Variants in DIAPH2 observed in about 807,000 individuals in gnomAD.
DIAPH2 encodes the protein protein diaphanous homolog 2.
In DIAPH2, 35 loss-of-function variants were observed where a neutral mutation model predicts 92.7. The ratio of observed to expected loss-of-function variants is 0.38; its 90% CI spans 0.29 to 0.50. The LOEUF (loss-of-function observed/expected upper bound fraction) is 0.50. Among genes scored for constraint, DIAPH2 ranks in the 20% least tolerant of loss-of-function variants. The pLI is 0.94. For synonymous variants in DIAPH2, 301 were observed against 280.4 expected, an observed-to-expected ratio of 1.07 and a Z score of -0.73; for missense variants, 701 against 819.5, an observed-to-expected ratio of 0.86 and a Z score of 1.77.
intron 23 of DIAPH2, among the ~76,000 whole-genome samples, chrX:97,281,470 C>T (rs1382970555): frequency 6.3e-5 from 7 of 111,021 alleles, no homozygotes; most frequent in African/African-American, 1.3e-4. Flanking sequence ...GGAGGCCGGG[C>T]GCAGTGGCTC....
At chrX:97,595,227 G>A (rs5921857) in intron 26 of DIAPH2, among the ~76,000 whole-genome samples, 4,474 of 112,334 alleles carry the variant, frequency 0.04, 76 homozygotes, top group Non-Finnish European at 0.059. Context: ...GGTATTTTGT[G>A]GATGATGTGC....
intron 25 of DIAPH2, among the ~76,000 whole-genome samples, chrX:97,415,553 G>T (rs2069934561): frequency 9.0e-6 from 1 of 110,954 alleles, no homozygotes; most frequent in South Asian, 3.8e-4. Context: ...GTCCTTTGTA[G>T]GGACATGGAT....
At chrX:97,179,596 T>C (rs1421637673) in intron 22 of DIAPH2, among the ~76,000 whole-genome samples, 1 of 111,981 alleles carries the variant, frequency 8.9e-6, no homozygotes, top group Non-Finnish European at 1.9e-5. Context: ...ACATTTTCTT[T>C]ATCCATTCTC....
At chrX:97,306,723 C>T (rs1452992980) in intron 23 of DIAPH2, among the ~76,000 whole-genome samples, 1 of 111,840 alleles carries the variant, frequency 8.9e-6, no homozygotes, top group Non-Finnish European at 1.9e-5. Context: ...GCCACAGTAA[C>T]AAATTCATTT....
chrX:96,811,569 T>C (rs770666765), intron 4 of DIAPH2, among the ~76,000 whole-genome samples: 4 of 111,185 alleles, frequency 3.6e-5, no homozygotes, highest in African/African-American at 1.3e-4. Context: ...TGAATAGGAG[T>C]GGTGAGAGAG....
At chrX:96,996,705 T>A (rs772033289) in intron 17 of DIAPH2, among the ~76,000 whole-genome samples, 2 of 112,127 alleles carry the variant, frequency 1.8e-5, no homozygotes, top group African/African-American at 6.5e-5. Context: ...TAATAGATAC[T>A]TAGTTTGAAT....
At chrX:96,726,050 G>A (rs2064018323) in intron 1 of DIAPH2, among the ~76,000 whole-genome samples, 1 of 112,054 alleles carries the variant, frequency 8.9e-6, no homozygotes, top group Non-Finnish European at 1.9e-5. Context: ...CATAACAACA[G>A]ATATTTAAAT....
intron 4 of DIAPH2, among the ~76,000 whole-genome samples, chrX:96,811,968 G>C (rs1270388010): frequency 9.0e-6 from 1 of 111,493 alleles, no homozygotes; most frequent in Non-Finnish European, 1.9e-5. Flanking sequence ...CAGGGATATT[G>C]GTCTAAAATT....
At chrX:97,205,748 A>G (rs1470386494) in intron 22 of DIAPH2, among the ~76,000 whole-genome samples, 1 of 111,658 alleles carries the variant, frequency 9.0e-6, no homozygotes, top group East Asian at 2.8e-4. Context: ...CAGTGTGGCG[A>G]TTCCTCAAGG....
At chrX:96,731,046 A>T (rs964565394) in intron 1 of DIAPH2, among the ~76,000 whole-genome samples, 8 of 111,157 alleles carry the variant, frequency 7.2e-5, no homozygotes, top group Admixed American at 2.9e-4. Flanking sequence ...AAGGAATTTC[A>T]CAAGGTAATG....
At chrX:97,596,344 A>G (rs2071551478) in intron 26 of DIAPH2, among the ~76,000 whole-genome samples, 1 of 111,696 alleles carries the variant, frequency 9.0e-6, no homozygotes, top group Admixed American at 9.5e-5. Flanking sequence ...CTCCTCTTCC[A>G]TTTTTCTCTC....
chrX:96,783,549 G>A (rs1358417573), intron 4 of DIAPH2, among the ~76,000 whole-genome samples: 1 of 112,325 alleles, frequency 8.9e-6, no homozygotes, highest in African/African-American at 3.2e-5. Context: ...ATGTAATGAA[G>A]ACATATGTAG....
intron 26 of DIAPH2, among the ~76,000 whole-genome samples, chrX:97,510,830 C>T (rs1280154410): frequency 4.1e-5 from 4 of 97,987 alleles, no homozygotes; most frequent in Admixed American, 2.3e-4. Context: ...AGATATGCGG[C>T]GTTATTTCTG....
intron 17 of DIAPH2, among the ~76,000 whole-genome samples, chrX:96,976,292 A>G (rs1475304146): frequency 2.5e-5 from 1 of 40,776 alleles, no homozygotes; most frequent in African/African-American, 7.4e-5. Flanking sequence ...CATCTCAAAG[A>G]AAAAAAAAAA....
intron 26 of DIAPH2, among the ~76,000 whole-genome samples, chrX:97,570,119 T>G (rs865903423): frequency 3.4e-3 from 82 of 24,360 alleles, no homozygotes; most frequent in African/African-American, 4.5e-3. Context: ...TATATATATA[T>G]ATATTAGAAG....
intron 4 of DIAPH2, among the ~76,000 whole-genome samples, chrX:96,779,641 C>T (rs959293465): frequency 8.9e-6 from 1 of 112,340 alleles, no homozygotes; most frequent in Non-Finnish European, 1.9e-5. Context: ...CTTTAGCCAT[C>T]TTCATTTTCA....
rs375954104 is a variant in DIAPH2, at chrX:97,093,196, A to C, written c.2248-6498A>C. On this transcript the variant is annotated intron_variant, in intron 19 of 26. Transcript: ENST00000324765. ...GAGTGAGACTGTGAAAAAAAGAAAAAGAAAGAACGAAAGAGAGAGAGAGAG... is the reference window on the plus strand; with the variant it reads ...GAGTGAGACTGTGAAAAAAAGAAAACGAAAGAACGAAAGAGAGAGAGAGAG... Among the ~76,000 whole-genome samples, 221 of 98,929 alleles carry C rather than the reference A, an allele frequency of 2.2e-3. 1 individual carries two copies. Among genetic ancestry groups the C allele is most frequent in the African/African-American group, 7.7e-3 (211 of 27,454 alleles). The allele number at this position is 98,929 out of a possible 115,157, so 85.9% of individuals were successfully genotyped here. A position where few individuals can be genotyped will look rare whatever the true frequency, so the allele number is the denominator to read the frequency against.
chrX:97,583,929 C>T (rs189617442), intron 26 of DIAPH2, among the ~76,000 whole-genome samples: 92 of 112,252 alleles, frequency 8.2e-4, no homozygotes, highest in African/African-American at 2.7e-3. Context: ...GGGAGTGACC[C>T]GATTTTCCAG....
At chrX:97,304,526 A>G (rs1318058056) in intron 23 of DIAPH2, among the ~76,000 whole-genome samples, 1 of 112,368 alleles carries the variant, frequency 8.9e-6, no homozygotes, top group African/African-American at 3.2e-5. Context: ...ATATATTGCT[A>G]GAAACAGTTG....
Sources: allele counts gnomAD v4.1 joint callset (sites outside exome capture counted in the v4.1 genomes callset), GRCh38; gene constraint gnomAD v4.1.1; transcripts MANE v1.5; gene names NCBI Gene and HGNC (gene_info 2026-07-23, HGNC 2026-07-21).